The following AFDN variants were observed in gnomAD, a reference collection of about 807,000 sequenced individuals.
AFDN encodes the protein afadin, adherens junction formation factor.
In AFDN, 68 loss-of-function variants were observed where a neutral mutation model predicts 216.6. The observed-to-expected ratio is 0.31, with a 90% confidence interval of 0.26 to 0.38. The LOEUF (loss-of-function observed/expected upper bound fraction) is 0.38. Among genes scored for constraint, AFDN ranks in the 10% least tolerant of loss-of-function variants. The pLI, the probability that AFDN is intolerant of heterozygous loss-of-function variation, is 1.00. For missense variants in AFDN, 2,136 were observed against 2,342.0 expected, an observed-to-expected ratio of 0.91 and a Z score of 1.82; for synonymous variants, 868 against 853.7, an observed-to-expected ratio of 1.02 and a Z score of -0.29.
chr6:167,956,862 G>A (rs898565090), intron 30 of AFDN, among the ~76,000 whole-genome samples: 23 of 152,120 alleles, frequency 1.5e-4, no homozygotes. Context: ...GGGTCACTGC[G>A]AGAGACTGGC....
chr6:167,851,025 A>G (rs1782245367), intron 1 of AFDN, among the ~76,000 whole-genome samples: 1 of 152,032 alleles, frequency 6.6e-6, no homozygotes, highest in Non-Finnish European at 1.5e-5. Context: ...CATTCAAGCG[A>G]TTCTCCTGCC....
chr6:167,864,930 T>A, intron 2 of AFDN, 184 bp downstream of exon 2: 1 of 766,634 alleles, frequency 1.3e-6, no homozygotes, highest in East Asian at 2.4e-5. Context: ...TTCTTATAAA[T>A]CCCTGGCACA....
At chr6:167,874,578 C>T (rs1225380724) in intron 4 of AFDN, among the ~76,000 whole-genome samples, 1 of 147,748 alleles carries the variant, frequency 6.8e-6, no homozygotes, top group Non-Finnish European at 1.5e-5. Context: ...TCATTCCATT[C>T]AATTAATTTG....
chr6:167,893,984 A>C (rs1465425834), intron 9 of AFDN, 78 bp downstream of exon 9: 2 of 1,071,420 alleles, frequency 1.9e-6, no homozygotes, highest in African/African-American at 1.6e-5. Flanking sequence ...TGAATGACCA[A>C]ATATCTTATG....
chr6:167,885,537 A>G (rs1786685354), intron 6 of AFDN, among the ~76,000 whole-genome samples: 1 of 152,338 alleles, frequency 6.6e-6, no homozygotes, highest in South Asian at 2.1e-4. Flanking sequence ...TTCAGAACAC[A>G]CACACTTATC....
chr6:167,863,472 T>G (rs1783814793), intron 1 of AFDN, among the ~76,000 whole-genome samples: 3 of 152,230 alleles, frequency 2.0e-5, no homozygotes, highest in African/African-American at 7.2e-5. Flanking sequence ...TGAAAGCCAT[T>G]GCAAAATGTA....
At position 167,948,319 on chromosome 6, in the gene AFDN, A is replaced by G; in HGVS notation, c.3672A>G (p.Glu1224=). 6.2e-7 allele frequency: 1 copy of G among 1,614,030 alleles called. No individual in the cohort carries two copies. The highest frequency in any genetic ancestry group is 8.5e-7 in the Non-Finnish European group (1 of 1,179,936). ...TEEQTPPPRP[E]AYPIPTQTYT... is the part of the protein sequence containing the mutation. ...AGCAGACGCCTCCGCCTAGACCTGA[A>G]GCCTACCCCATCCCCACTCAGACGT... is the stretch of plus-strand genomic sequence containing the variant. Residue 1224 remains glutamate, a synonymous_variant, in exon 29 of 34, where the codon GAA becomes GAG. Transcript: ENST00000683244.
chr6:167,939,288 T>TCCCCC (rs1794399252), intron 23 of AFDN, among the ~76,000 whole-genome samples: 1 of 152,234 alleles, frequency 6.6e-6, no homozygotes, highest in Admixed American at 6.5e-5. Flanking sequence ...GATAATGCCA[T>TCCCCC]GTGAAAATGT....
intron 1 of AFDN, among the ~76,000 whole-genome samples, chr6:167,836,824 G>C (rs984020647): frequency 2.0e-5 from 3 of 152,170 alleles, no homozygotes; most frequent in Non-Finnish European, 4.4e-5. Flanking sequence ...ATATAATACA[G>C]ATAAAAAATT....
chr6:167,958,656 C>T (rs1796752202), intron 30 of AFDN, among the ~76,000 whole-genome samples: 1 of 152,220 alleles, frequency 6.6e-6, no homozygotes, highest in Non-Finnish European at 1.5e-5. Context: ...GCTTTCCTTA[C>T]ATGAAAGCCC....
chr6:167,930,798 C>T (rs1761477546), intron 23 of AFDN, among the ~76,000 whole-genome samples: 1 of 152,148 alleles, frequency 6.6e-6, no homozygotes, highest in Non-Finnish European at 1.5e-5. Context: ...GATGGTGGGT[C>T]TGGACAGAGC....
rs893175613 is a variant in AFDN at position 167,965,990 on chromosome 6, T to A, written c.5202T>A (p.Thr1734=). 5 of 1,547,082 alleles carry A rather than the reference T, an allele frequency of 3.2e-6. No homozygotes were observed. In the Admixed American group the frequency reaches 7.9e-5, roughly 24 times the overall value. ...TCCTCTCCCCCGACTCGCTGTTCAC[T>A]GCCAAGTTTGTTGCATACAATGAGG... ...TQVLSPDSLF[T]AKFVAYNEEE... is the part of the protein sequence containing the mutation. The change falls in exon 32 of 34, where the codon ACT becomes ACA. Residue 1734 remains threonine, a synonymous_variant. Coordinates refer to ENST00000683244, the MANE Select transcript of AFDN (RefSeq NM_001386888.1).
intron 30 of AFDN, among the ~76,000 whole-genome samples, chr6:167,955,903 C>T (rs1424499521): frequency 6.6e-6 from 1 of 151,696 alleles, no homozygotes; most frequent in East Asian, 1.9e-4. Flanking sequence ...TCACCTGAGG[C>T]CAGGAGTTCA....
intron 1 of AFDN, among the ~76,000 whole-genome samples, chr6:167,859,783 T>G (rs1583185788): frequency 6.7e-6 from 1 of 148,632 alleles, no homozygotes; most frequent in African/African-American, 2.5e-5. Context: ...TTATTGTTGT[T>G]TTTTTTTTTT....
At chr6:167,861,442 TGAG>T (rs1287522997) in intron 1 of AFDN, among the ~76,000 whole-genome samples, 2 of 152,238 alleles carry the variant, frequency 1.3e-5, no homozygotes, top group Non-Finnish European at 2.9e-5. Flanking sequence ...TACTGCCTGA[TGAG>T]GACACCAGTA....
At chr6:167,887,713 C>T (rs561508447) in intron 6 of AFDN, among the ~76,000 whole-genome samples, 111 of 152,324 alleles carry the variant, frequency 7.3e-4, no homozygotes, top group African/African-American at 2.6e-3. Context: ...CTGCCTTGGC[C>T]TCCCAAAGTG....
At chr6:167,907,108 T>C in intron 12 of AFDN, 63 bp from the exon 13 acceptor site, 1 of 1,224,158 alleles carries the variant, frequency 8.2e-7, no homozygotes, top group Non-Finnish European at 1.2e-6. Flanking sequence ...CTTGCAACGC[T>C]GAGTGTCAAG....
intron 23 of AFDN, among the ~76,000 whole-genome samples, chr6:167,928,042 G>A (rs2128534525): frequency 6.6e-6 from 1 of 152,248 alleles, no homozygotes; most frequent in East Asian, 1.9e-4. Flanking sequence ...AGAGTGTGGA[G>A]GTGGAAGTAG....
At chr6:167,866,213 T>G (rs1040846722) in intron 2 of AFDN, among the ~76,000 whole-genome samples, 1 of 152,044 alleles carries the variant, frequency 6.6e-6, no homozygotes, top group African/African-American at 2.4e-5. Context: ...GTCTAAAAAT[T>G]GGATGAATTT....
Sources: allele counts gnomAD v4.1 joint callset (sites outside exome capture counted in the v4.1 genomes callset), GRCh38; gene constraint gnomAD v4.1.1; transcripts MANE v1.5; gene names NCBI Gene and HGNC (gene_info 2026-07-23, HGNC 2026-07-21).